Variants in KIFC3 observed in about 807,000 individuals in gnomAD.
KIFC3 encodes the protein kinesin family member C3.
A neutral mutation model predicts 101.8 loss-of-function variants in KIFC3; 60 were observed. The ratio of observed to expected loss-of-function variants is 0.59; its 90% confidence interval spans 0.48 to 0.73. The LOEUF is 0.73. Ranked by LOEUF, KIFC3 falls within the 30% of genes least tolerant of loss-of-function variation. KIFC3 has a pLI of 0.00. For missense variants in KIFC3, 966 were observed against 1,137.1 expected, an observed-to-expected ratio of 0.85 and a Z score of 2.16; for synonymous variants, 476 against 482.7, an observed-to-expected ratio of 0.99 and a Z score of 0.18.
At chr16:57,853,654 C>T (rs1266356016) in intron 1 of KIFC3, among the ~76,000 whole-genome samples, 1 of 152,006 alleles carries the variant, frequency 6.6e-6, no homozygotes, top group East Asian at 1.9e-4. Flanking sequence ...ATTTTTGAGA[C>T]AAAGTCTCGC....
At chr16:57,788,078 C>G (rs2053513339) in intron 3 of KIFC3, among the ~76,000 whole-genome samples, 1 of 152,234 alleles carries the variant, frequency 6.6e-6, no homozygotes, top group Non-Finnish European at 1.5e-5. Flanking sequence ...CCCTGGGCAC[C>G]ATGGCAGGCC....
intron 1 of KIFC3, among the ~76,000 whole-genome samples, chr16:57,808,677 G>C (rs2054999755): frequency 6.6e-6 from 1 of 152,032 alleles, no homozygotes; most frequent in Admixed American, 6.6e-5. Flanking sequence ...TCCAGTATCT[G>C]ACCTTGAGCT....
intron 1 of KIFC3, among the ~76,000 whole-genome samples, chr16:57,852,901 T>A (rs1045932226): frequency 2.0e-5 from 3 of 152,210 alleles, no homozygotes; most frequent in Non-Finnish European, 2.9e-5. Context: ...AGAGCAATTT[T>A]AAAACTTTCC....
chr16:57,840,970 A>G (rs1317795639), intron 1 of KIFC3, among the ~76,000 whole-genome samples: 1 of 152,098 alleles, frequency 6.6e-6, no homozygotes, highest in East Asian at 1.9e-4. Context: ...CTCCTCCACC[A>G]GGCAGCCAGA....
chr16:57,790,656 G>A (rs376960839), intron 3 of KIFC3, among the ~76,000 whole-genome samples: 8 of 152,152 alleles, frequency 5.3e-5, no homozygotes, highest in African/African-American at 1.7e-4. Context: ...GGTAATAACA[G>A]GACCGCCTCA....
chr16:57,785,636 G>A lies in KIFC3; in HGVS notation c.315+9363C>T, dbSNP rs535142139. ...CGCACCTGGTGGCCCCGACAAGCTC[G>A]AGCACCTCCTGCTGCCAAAGAGACG... On this transcript the variant is annotated intron_variant, in intron 3 of 19. Transcript: ENST00000445690. 4.3e-4 allele frequency: 547 copies of A among 1,258,116 alleles called. 3 individuals are homozygous for A. The African/African-American group carries it at 7.4e-3, about 17-fold the overall frequency. The allele number at this position is 1,258,116 out of a possible 1,614,324, so 77.9% of individuals were successfully genotyped here. A position where few individuals can be genotyped will look rare whatever the true frequency, so the allele number is the denominator to read the frequency against.
rs781886593 is a variant in KIFC3 at position 57,762,175 on chromosome 16, G to A, written c.1713C>T (p.Thr571=). ...CATTGTAGATCTCCGCAGCGCTGAC[G>A]GTGATGGTGTACTCCCAGTCAGACG... is the stretch of plus-strand genomic sequence containing the variant. ...EKASDWEYTI[T]VSAAEIYNEV... is the part of the protein sequence containing the mutation. The change falls in exon 13 of 20, where the codon ACC becomes ACT. Residue 571 remains threonine, a synonymous_variant. Transcript: ENST00000445690. 25 of 1,608,196 alleles carry A rather than the reference G, an allele frequency of 1.6e-5. No homozygotes were observed. Among genetic ancestry groups the A allele is most frequent in the Non-Finnish European group, 2.0e-5 (24 of 1,178,128 alleles).
At chr16:57,808,726 A>C (rs782725643) in intron 1 of KIFC3, among the ~76,000 whole-genome samples, 27 of 152,128 alleles carry the variant, frequency 1.8e-4, no homozygotes, top group Non-Finnish European at 3.5e-4. Flanking sequence ...GTATAGAGAG[A>C]TGGCTAAAGG....
intron 1 of KIFC3, among the ~76,000 whole-genome samples, chr16:57,853,037 G>A (rs962583188): frequency 4.0e-5 from 6 of 151,878 alleles, no homozygotes; most frequent in African/African-American, 4.8e-5. Context: ...AGAAAATCCT[G>A]AAGACAAGGA....
At chr16:57,759,345 C>A in intron 18 of KIFC3, 192 bp from the exon 19 acceptor site, 1 of 663,952 alleles carries the variant, frequency 1.5e-6, no homozygotes, top group Non-Finnish European at 2.6e-6. Flanking sequence ...GTAGGCAAGC[C>A]CGGCCCTTTC....
chr16:57,853,711 A>G (rs1205133883), intron 1 of KIFC3, among the ~76,000 whole-genome samples: 2 of 152,182 alleles, frequency 1.3e-5, no homozygotes, highest in African/African-American at 4.8e-5. Flanking sequence ...CGCTCACTGC[A>G]ACCTCCACCT....
chr16:57,762,579 G>T (rs781914256), intron 12 of KIFC3, among the ~76,000 whole-genome samples: 1 of 152,156 alleles, frequency 6.6e-6, no homozygotes. Flanking sequence ...CTGGCCCTGT[G>T]GGGCCACCTG....
intron 1 of KIFC3, among the ~76,000 whole-genome samples, chr16:57,860,510 T>C (rs1302107309): frequency 6.6e-6 from 1 of 152,144 alleles, no homozygotes; most frequent in Non-Finnish European, 1.5e-5. Context: ...TTAACTTACA[T>C]ATGTTCATTC....
At chr16:57,765,042 T>G (rs2050317804) in intron 11 of KIFC3, among the ~76,000 whole-genome samples, 2 of 137,606 alleles carry the variant, frequency 1.5e-5, no homozygotes, top group African/African-American at 5.5e-5. Flanking sequence ...AAAGCCATGG[T>G]GGTGGGAGGG....
At chr16:57,859,804 T>A (rs2056255336) in intron 1 of KIFC3, among the ~76,000 whole-genome samples, 2 of 151,544 alleles carry the variant, frequency 1.3e-5, no homozygotes, top group Admixed American at 1.3e-4. Flanking sequence ...GGCAGACCAC[T>A]TGAGGGCAGG....
chr16:57,845,083 G>C (rs953934476), intron 1 of KIFC3, among the ~76,000 whole-genome samples: 6 of 152,024 alleles, frequency 3.9e-5, no homozygotes, highest in Admixed American at 2.6e-4. Flanking sequence ...TATCCAAGTG[G>C]GCATTCAAGA....
chr16:57,768,490 A>G lies in KIFC3; in HGVS notation c.1218+1105T>C, dbSNP rs568031572. Among the ~76,000 whole-genome samples the G allele has an allele frequency of 4.2e-5, 3 of 70,696 alleles. No homozygotes were observed. In the East Asian group the frequency reaches 8.5e-4, roughly 20 times the overall value. 46.4% of individuals were successfully genotyped at this position (70,696 alleles called of 152,430 possible). A position where few individuals can be genotyped will look rare whatever the true frequency, so the allele number is the denominator to read the frequency against. On this transcript the variant is annotated intron_variant, in intron 9 of 19. Coordinates refer to ENST00000445690, the MANE Select transcript of KIFC3 (RefSeq NM_001130100.2). ...GGAATGCAGAACCTGTGGATGGGGG[A>G]AGGGCCTACCATATATTCTCACACA...
At chr16:57,852,152 C>T (rs1567343096) in intron 1 of KIFC3, among the ~76,000 whole-genome samples, 1 of 152,012 alleles carries the variant, frequency 6.6e-6, no homozygotes, top group African/African-American at 2.4e-5. Flanking sequence ...TAGAGACAAA[C>T]TGTGAGATTA....
At chr16:57,859,345 C>T (rs907163219) in intron 1 of KIFC3, among the ~76,000 whole-genome samples, 1 of 152,208 alleles carries the variant, frequency 6.6e-6, no homozygotes, top group African/African-American at 2.4e-5. Flanking sequence ...AATCTATATT[C>T]TCAGCTTGAG....
Sources: allele counts gnomAD v4.1 joint callset (sites outside exome capture counted in the v4.1 genomes callset), GRCh38; gene constraint gnomAD v4.1.1; transcripts MANE v1.5; gene names NCBI Gene and HGNC (gene_info 2026-07-23, HGNC 2026-07-21).